CATSPERE: variants seen among roughly 807,000 people sequenced by gnomAD.
CATSPERE encodes the protein catsper channel auxiliary subunit epsilon.
A neutral mutation model predicts 114.1 loss-of-function variants in CATSPERE; 93 were observed. The observed-to-expected ratio is 0.81, with a 90% CI of 0.69 to 0.97. CATSPERE has a LOEUF of 0.97. CATSPERE is among the 50% of genes least tolerant of loss of function. The probability of loss-of-function intolerance (pLI) is 0.00; values close to 1 mark genes in which losing one functional copy is unlikely to be tolerated. For missense variants in CATSPERE, 1,058 were observed against 1,131.6 expected (o/e 0.93, Z 0.93); for synonymous variants, 341 against 384.1 (o/e 0.89, Z 1.31).
chr1:244,582,407 CTT>C (rs67153115), intron 12 of CATSPERE, among the ~76,000 whole-genome samples: 2 of 143,182 alleles, frequency 1.4e-5, no homozygotes, highest in African/African-American at 2.6e-5. Context: ...TTTTCTTTTT[CTT>C]TTTTTTTTTT....
intron 8 of CATSPERE, among the ~76,000 whole-genome samples, chr1:244,528,891 A>G (rs1045858789): frequency 2.0e-5 from 3 of 150,460 alleles, no homozygotes; most frequent in African/African-American, 7.4e-5. Flanking sequence ...CAATTGTTTT[A>G]ATTTTTAGCT....
chr1:244,497,407 A>C (rs922490068), intron 6 of CATSPERE, among the ~76,000 whole-genome samples: 40 of 146,402 alleles, frequency 2.7e-4, no homozygotes, highest in Non-Finnish European at 6.0e-4. Context: ...ACAATCCAAC[A>C]AAAAAAAAAT....
intron 19 of CATSPERE, among the ~76,000 whole-genome samples, chr1:244,615,760 T>G (rs958005382): frequency 1.3e-5 from 2 of 151,956 alleles, no homozygotes; most frequent in African/African-American, 2.4e-5. Flanking sequence ...TTTCATGATA[T>G]CCAGGTAAGT....
chr1:244,598,922 C>T (rs984243687), intron 17 of CATSPERE, among the ~76,000 whole-genome samples: 3 of 152,150 alleles, frequency 2.0e-5, no homozygotes, highest in Non-Finnish European at 4.4e-5. Context: ...ACCGTCTCCC[C>T]TTGTATCTGT....
chr1:244,486,936 C>T (rs1263299154), intron 5 of CATSPERE, among the ~76,000 whole-genome samples: 1 of 144,680 alleles, frequency 6.9e-6, no homozygotes, highest in South Asian at 2.3e-4. Context: ...CCCTCGTAGT[C>T]ACCTGGTGGG....
chr1:244,507,834 A>G (rs760117914), intron 7 of CATSPERE, among the ~76,000 whole-genome samples: 6 of 151,958 alleles, frequency 3.9e-5, no homozygotes, highest in African/African-American at 7.2e-5. Context: ...CTATCAGTCT[A>G]TGTTTTTATA....
intron 8 of CATSPERE, among the ~76,000 whole-genome samples, chr1:244,529,029 A>G (rs1679171722): frequency 6.6e-6 from 1 of 152,186 alleles, no homozygotes; most frequent in Non-Finnish European, 1.5e-5. Flanking sequence ...TTATGGCTAA[A>G]TAGTACTCCA....
At chr1:244,470,283 CTTA>C (rs1193904654) in intron 2 of CATSPERE, among the ~76,000 whole-genome samples, 1 of 152,144 alleles carries the variant, frequency 6.6e-6, no homozygotes, top group Non-Finnish European at 1.5e-5. Flanking sequence ...ATTCATGTAT[CTTA>C]TTATGGACTT....
chr1:244,495,973 G>A (rs1039357799), intron 6 of CATSPERE, among the ~76,000 whole-genome samples: 1 of 152,146 alleles, frequency 6.6e-6, no homozygotes, highest in African/African-American at 2.4e-5. Context: ...GCGCCCAGGC[G>A]GAAGTGATTG....
At chr1:244,500,469 T>C (rs901971439) in intron 7 of CATSPERE, among the ~76,000 whole-genome samples, 1 of 152,208 alleles carries the variant, frequency 6.6e-6, no homozygotes, top group African/African-American at 2.4e-5. Context: ...AGGGTTTTTA[T>C]GGTTTTAGGT....
intron 2 of CATSPERE, among the ~76,000 whole-genome samples, chr1:244,464,759 T>G (rs1463783263): frequency 6.6e-6 from 1 of 152,226 alleles, no homozygotes; most frequent in East Asian, 1.9e-4. Context: ...CTAGTGATTT[T>G]GAGCATCTCT....
chr1:244,552,686 A>G lies in CATSPERE; in HGVS notation c.901A>G (p.Ile301Val), dbSNP rs756466860. ...ILSRDGIVFL[I>V]NGVLYIKSFR... is the part of the protein sequence containing the mutation. ...ATCGCGGGATGGAATCGTTTTTCTTATAAATGGTGTTCTTTACATAAAGAG... is the reference window on the plus strand; with the variant it reads ...ATCGCGGGATGGAATCGTTTTTCTTGTAAATGGTGTTCTTTACATAAAGAG... The change falls in exon 9 of 22, where the codon ATA becomes GTA. Residue 301 changes from isoleucine to valine, a missense_variant. Around this residue, in one of 2 missense-constraint regions of CATSPERE, gnomAD observed 787 missense variants for 905.6 expected, o/e 0.87. Transcript: ENST00000366534. The G allele has an allele frequency of 2.5e-6, 4 of 1,614,070 alleles. No homozygotes were observed. Among genetic ancestry groups the G allele is most frequent in the African/African-American group, 2.7e-5 (2 of 74,944 alleles).
intron 18 of CATSPERE, 151 bp from the exon 19 acceptor site, chr1:244,610,089 T>C (rs1572993454): frequency 1.8e-6 from 1 of 564,880 alleles, no homozygotes; most frequent in Non-Finnish European, 3.1e-6. Flanking sequence ...AAAAATCAAT[T>C]GTCAATTATT....
intron 7 of CATSPERE, among the ~76,000 whole-genome samples, chr1:244,514,904 A>G (rs1315923999): frequency 6.6e-6 from 1 of 152,050 alleles, no homozygotes; most frequent in African/African-American, 2.4e-5. Flanking sequence ...CGAGTTAATA[A>G]CGTATCAGCA....
intron 7 of CATSPERE, among the ~76,000 whole-genome samples, chr1:244,512,308 G>A (rs766716824): frequency 6.6e-6 from 1 of 152,132 alleles, no homozygotes; most frequent in Non-Finnish European, 1.5e-5. Flanking sequence ...TCTTCTGCTC[G>A]ATCAAGTCCA....
In CATSPERE at chr1:244,633,596, G is replaced by T. The variant is rs1385523169; in HGVS notation, c.2649-1893G>T. 2.0e-5 allele frequency among the ~76,000 whole-genome samples: 3 copies of T among 151,924 alleles called. No homozygotes were observed. Among genetic ancestry groups the T allele is most frequent in the Non-Finnish European group, 4.4e-5 (3 of 68,002 alleles). Reference sequence around the variant, plus strand: ...CTAAGCCTTTCATTAAAGCCCTCTGGAGGACACATGTGCAGGCATGAGCAC... The same window carrying T: ...CTAAGCCTTTCATTAAAGCCCTCTGTAGGACACATGTGCAGGCATGAGCAC... On this transcript the variant is annotated intron_variant, in intron 20 of 21. Transcript: ENST00000366534. This position sits in a 1 kb window ranked among gnomAD's most constrained non-coding sequence, Gnocchi z 4.1.
chr1:244,584,855 TC>T (rs1208171879), intron 13 of CATSPERE, among the ~76,000 whole-genome samples: 2 of 152,074 alleles, frequency 1.3e-5, no homozygotes, highest in Non-Finnish European at 2.9e-5. Flanking sequence ...ACACGCTGCT[TC>T]CCCAGGAAAT....
chr1:244,539,662 G>A (rs371875351), intron 8 of CATSPERE, among the ~76,000 whole-genome samples: 1 of 149,216 alleles, frequency 6.7e-6, no homozygotes, highest in Non-Finnish European at 1.5e-5. Context: ...CCTGTTATTG[G>A]TCTATTCAGA....
At chr1:244,601,654 G>A (rs556000688) in intron 17 of CATSPERE, among the ~76,000 whole-genome samples, 1 of 152,250 alleles carries the variant, frequency 6.6e-6, no homozygotes, top group South Asian at 2.1e-4. Flanking sequence ...GAGAAATGCT[G>A]TGTGAGAAAG....
Sources: gnomAD v4.1 joint callset for allele counts (sites outside exome capture counted in the v4.1 genomes callset) on GRCh38, gnomAD v4.1.1 for gene constraint, gnomAD v4.1.1 regional missense constraint, Gnocchi (gnomAD v3.1) non-coding constraint, MANE v1.5 for transcripts, NCBI Gene and HGNC (gene_info 2026-07-23, HGNC 2026-07-21) for gene names.